Variants in FANCA observed in about 807,000 individuals in gnomAD.
FANCA encodes FA complementation group A.
A neutral mutation model predicts 194.3 loss-of-function variants in FANCA; 236 were observed. The ratio of observed to expected loss-of-function variants is 1.21; its 90% CI spans 1.09 to 1.35. The LOEUF is 1.35. Ranked by LOEUF, FANCA falls within the 40% of genes most tolerant of loss-of-function variation. The pLI, the probability that FANCA is intolerant of heterozygous loss-of-function variation, is 0.00. For synonymous variants in FANCA, 1,014 were observed against 715.8 expected (o/e 1.42, Z -6.65); for missense variants, 2,628 against 1,813.9 (o/e 1.45, Z -8.15).
chr16:89,771,316 G>A (rs892256412), intron 23 of FANCA, among the ~76,000 whole-genome samples: 7 of 151,902 alleles, frequency 4.6e-5, no homozygotes, highest in South Asian at 4.2e-4. Flanking sequence ...GAAATTAGCC[G>A]GGTGTGGTGA....
At chr16:89,764,132 C>T (rs912535510) in intron 28 of FANCA, among the ~76,000 whole-genome samples, 8 of 151,894 alleles carry the variant, frequency 5.3e-5, no homozygotes, top group Non-Finnish European at 7.4e-5. Flanking sequence ...GTCCCAGCTA[C>T]TGGAGAGGCT....
intron 38 of FANCA, 34 bp from the exon 39 acceptor site, chr16:89,740,133 C>G: frequency 6.4e-7 from 1 of 1,560,110 alleles, no homozygotes. Context: ...CTGAGAATGG[C>G]CGACCTGGTG....
At chr16:89,759,349 A>AG (rs2038871242) in intron 29 of FANCA, among the ~76,000 whole-genome samples, 1 of 139,460 alleles carries the variant, frequency 7.2e-6, no homozygotes. Context: ...AAAAAAAAAA[A>AG]GTAGCCTGGA....
At chr16:89,768,809 T>C (rs2039217673) in intron 26 of FANCA, among the ~76,000 whole-genome samples, 1 of 152,200 alleles carries the variant, frequency 6.6e-6, no homozygotes, top group African/African-American at 2.4e-5. Flanking sequence ...GGCATCTCTG[T>C]GTTTCTAAGA....
chr16:89,808,880 T>A lies in FANCA; in HGVS notation c.523-513A>T, dbSNP rs72811584. ...ACACTGCCCTGATCTCCCTGCAGCC[T>A]CCCCTTCTCATCCCCCTAACTCACA... On this transcript the variant is annotated intron_variant, in intron 5 of 42. Coordinates refer to ENST00000389301, the MANE Select transcript of FANCA (RefSeq NM_000135.4). 4.2e-3 allele frequency among the ~76,000 whole-genome samples: 626 copies of A among 150,524 alleles called. 5 individuals are homozygous for A. The highest frequency in any genetic ancestry group is 0.011 in the Admixed American group (160 of 15,094).
At chr16:89,746,774 A>C in intron 34 of FANCA, 57 bp downstream of exon 34, 1 of 1,589,044 alleles carries the variant, frequency 6.3e-7, no homozygotes, top group Non-Finnish European at 8.6e-7. Flanking sequence ...AGCTGACAGG[A>C]GGATCCACCC....
At chr16:89,808,750 G>T (rs2040760716) in intron 5 of FANCA, among the ~76,000 whole-genome samples, 2 of 152,094 alleles carry the variant, frequency 1.3e-5, no homozygotes, top group South Asian at 4.2e-4. Flanking sequence ...CAAAGGTCAG[G>T]CTTCAGTGTG....
At chr16:89,769,751 G>C in intron 26 of FANCA, 86 bp downstream of exon 26, 1 of 1,475,146 alleles carries the variant, frequency 6.8e-7, no homozygotes, top group Non-Finnish European at 9.3e-7. Flanking sequence ...ATGTCTGCAT[G>C]TCTGTCTCTT....
At position 89,737,794 on chromosome 16, in the gene FANCA, C is replaced by A; in HGVS notation, c.*807G>T. 1.2e-6 allele frequency: 2 copies of A among 1,614,168 alleles called. No homozygotes were observed. Among genetic ancestry groups the A allele is most frequent in the Non-Finnish European group, 1.7e-6 (2 of 1,180,036 alleles). Reference sequence around the variant, plus strand: ...ATCAGGGGCCTGGACTCACTGGACTCTCCCCTCTCAGAGGTGCGGAACTAT... The same window carrying A: ...ATCAGGGGCCTGGACTCACTGGACTATCCCCTCTCAGAGGTGCGGAACTAT... On this transcript the variant is annotated 3_prime_UTR_variant, in exon 43 of 43. Transcript: ENST00000389301.
intron 32 of FANCA, 84 bp downstream of exon 32, chr16:89,749,646 T>C (rs1265592035): frequency 2.3e-5 from 35 of 1,513,088 alleles, no homozygotes; most frequent in Non-Finnish European, 3.2e-5. Context: ...GGAAACAAAC[T>C]CACTACAAAG....
At chr16:89,815,835 G>T (rs2041091911) in intron 2 of FANCA, 42 bp downstream of exon 2, 3 of 1,488,670 alleles carry the variant, frequency 2.0e-6, no homozygotes, top group South Asian at 1.1e-5. Flanking sequence ...CAAAAACCCC[G>T]AACCTAAATC....
chr16:89,793,808 T>G (rs1335166014), intron 11 of FANCA, among the ~76,000 whole-genome samples: 1 of 152,116 alleles, frequency 6.6e-6, no homozygotes, highest in Non-Finnish European at 1.5e-5. Context: ...TGGAGTGCAG[T>G]GGTACAATCT....
intron 21 of FANCA, among the ~76,000 whole-genome samples, chr16:89,774,219 G>A (rs17232882): frequency 1.3e-5 from 2 of 152,202 alleles, no homozygotes; most frequent in African/African-American, 4.8e-5. Context: ...ACAGGCTCTA[G>A]AAATCATAGG....
At chr16:89,771,604 T>C (rs2039327702) in intron 23 of FANCA, 74 bp downstream of exon 23, 2 of 1,534,588 alleles carry the variant, frequency 1.3e-6, no homozygotes, top group African/African-American at 2.7e-5. Context: ...GAGAGAAGGC[T>C]CCATGCGTCT....
intron 20 of FANCA, among the ~76,000 whole-genome samples, chr16:89,777,166 C>G (rs536550676): frequency 6.6e-6 from 1 of 151,576 alleles, no homozygotes; most frequent in African/African-American, 2.4e-5. Context: ...TGTGGTGGAT[C>G]GCGCCTCTAG....
chr16:89,790,449 G>A (rs570967524), intron 14 of FANCA, among the ~76,000 whole-genome samples: 6 of 151,492 alleles, frequency 4.0e-5, no homozygotes, highest in African/African-American at 1.2e-4. Flanking sequence ...AAAAAGGAAA[G>A]GCCAGGTGCG....
At chr16:89,773,129 A>C in intron 22 of FANCA, 142 bp downstream of exon 22, 21 of 688,030 alleles carry the variant, frequency 3.1e-5, no homozygotes, top group Middle Eastern at 3.9e-4. Flanking sequence ...CACACCCGCC[A>C]GCCCGGGGTC....
At chr16:89,787,350 T>C (rs951736150) in intron 14 of FANCA, among the ~76,000 whole-genome samples, 1 of 152,038 alleles carries the variant, frequency 6.6e-6, no homozygotes, top group African/African-American at 2.4e-5. Context: ...GGTGAAACCC[T>C]GTCTCTACTA....
chr16:89,738,783 AAT>A (rs1567591489), intron 42 of FANCA, 75 bp from the exon 43 acceptor site: 3 of 1,612,900 alleles, frequency 1.9e-6, no homozygotes, highest in South Asian at 2.2e-5. Flanking sequence ...CTCTGGCAGA[AAT>A]AGTCGAGTTG....
Sources: allele counts gnomAD v4.1 joint callset (sites outside exome capture counted in the v4.1 genomes callset), GRCh38; gene constraint gnomAD v4.1.1; transcripts MANE v1.5; gene names NCBI Gene and HGNC (gene_info 2026-07-23, HGNC 2026-07-21).